Variants in CCK observed in about 807,000 individuals in gnomAD.
CCK encodes cholecystokinin, also known as cholecystokinin triacontatriapeptide.
Under a neutral mutation model 10.1 loss-of-function variants are expected in CCK, and 11 were observed. The ratio of observed to expected loss-of-function variants is 1.09; its 90% confidence interval spans 0.69 to 1.81. The LOEUF (loss-of-function observed/expected upper bound fraction) is 1.81. CCK is among the 40% of genes most tolerant of loss of function. The pLI is 0.00. For missense variants in CCK, 137 were observed against 159.9 expected (o/e 0.86, Z 0.77); for synonymous variants, 83 against 71.9 (o/e 1.15, Z -0.78).
chr3:42,263,767 G>A (rs1711251228), intron 3 of CCK, 135 bp from the exon 4 acceptor site: 5 of 1,397,158 alleles, frequency 3.6e-6, no homozygotes, highest in Non-Finnish European at 4.7e-6. Context: ...GCAAGCACGA[G>A]GGCTCGCCAA....
At chr3:42,260,513 C>T (rs1225617810) in intron 4 of CCK, among the ~76,000 whole-genome samples, 1 of 152,176 alleles carries the variant, frequency 6.6e-6, no homozygotes, top group Non-Finnish European at 1.5e-5. Flanking sequence ...TTCCCCGTTC[C>T]ACGTACAGTT....
Position 42,257,920 on chromosome 3 carries a change from A to G in CCK, c.*178T>C. 1 of 584,102 alleles carries G rather than the reference A, an allele frequency of 1.7e-6. No homozygotes were observed. The highest frequency in any genetic ancestry group is 2.9e-6 in the Non-Finnish European group (1 of 340,584). 36.2% of individuals were successfully genotyped at this position (584,102 alleles called of 1,614,324 possible). A position where few individuals can be genotyped will look rare whatever the true frequency, so the allele number is the denominator to read the frequency against. ...GTCTTCCATTTGCACAATTCTGGTG[A>G]GGTGTGTGGTTGCACTGGACAATCT... is the stretch of plus-strand genomic sequence containing the variant. On this transcript the variant is annotated 3_prime_UTR_variant, in exon 5 of 5. Transcript: ENST00000396169.
intron 4 of CCK, among the ~76,000 whole-genome samples, chr3:42,261,250 T>C (rs924016736): frequency 6.6e-6 from 1 of 152,204 alleles, no homozygotes; most frequent in Non-Finnish European, 1.5e-5. Context: ...TAATATATAC[T>C]ATAGTGGAGC....
At position 42,259,564 on chromosome 3, in the gene CCK, G is replaced by A. The variant is rs192002703; in HGVS notation, c.215-1333C>T. ...GGCACCTCAGTAAGACTCAAAGAAGGGGGGGAGAGAGGTGATAACAAAGGT... is the reference window on the plus strand; with the variant it reads ...GGCACCTCAGTAAGACTCAAAGAAGAGGGGGAGAGAGGTGATAACAAAGGT... On this transcript the variant is annotated intron_variant, in intron 4 of 4. Transcript: ENST00000396169. Among the ~76,000 whole-genome samples, 17 of 152,118 alleles carry A rather than the reference G, an allele frequency of 1.1e-4. No homozygotes were observed. The South Asian group carries it at 1.9e-3, about 17-fold the overall frequency.
At chr3:42,263,111 G>T in intron 4 of CCK, 1 of 474,014 alleles carries the variant, frequency 2.1e-6, no homozygotes, top group Non-Finnish European at 3.9e-6. Flanking sequence ...GGTATTCACT[G>T]TATCTAGGAA....
rs1414989888 is a variant in CCK, at chr3:42,265,461, C to A, written c.-382-24G>T. ...AGCTGTAAAATGCGGATGACACCAT[C>A]TGGTTTTGCTCAGAGGAATCCGGTT... is the stretch of plus-strand genomic sequence containing the variant. On this transcript the variant is annotated intron_variant, in intron 1 of 4. Coordinates refer to ENST00000396169, the MANE Select transcript of CCK (RefSeq NM_000729.6). 2.6e-5 allele frequency: 4 copies of A among 152,264 alleles called. No homozygotes were observed. The East Asian group carries it at 7.7e-4, about 29-fold the overall frequency. 9.4% of individuals were successfully genotyped at this position (152,264 alleles called of 1,614,324 possible). A position where few individuals can be genotyped will look rare whatever the true frequency, so the allele number is the denominator to read the frequency against.
At chr3:42,263,818 C>G in intron 3 of CCK, 186 bp from the exon 4 acceptor site, 2 of 1,013,948 alleles carry the variant, frequency 2.0e-6, no homozygotes, top group South Asian at 4.6e-5. Context: ...CGCCCCCGGG[C>G]GCACCTGGCT....
At chr3:42,258,757 A>G (rs534712252) in intron 4 of CCK, among the ~76,000 whole-genome samples, 1 of 152,176 alleles carries the variant, frequency 6.6e-6, no homozygotes, top group East Asian at 1.9e-4. Context: ...CGTTGGTGGG[A>G]GTGTAAATTA....
chr3:42,258,337 C>T (rs988306373), intron 4 of CCK, 106 bp from the exon 5 acceptor site: 1 of 1,252,458 alleles, frequency 8.0e-7, no homozygotes, highest in African/African-American at 1.5e-5. Flanking sequence ...ATATAACAGA[C>T]ACCACCTTAA....
chr3:42,263,840 A>C, intron 3 of CCK: 1 of 686,526 alleles, frequency 1.5e-6, no homozygotes, highest in Non-Finnish European at 2.2e-6. Context: ...GTCTTTGGGA[A>C]CTCCTCACCC....
intron 4 of CCK, among the ~76,000 whole-genome samples, chr3:42,261,356 G>A (rs1002944239): frequency 6.6e-6 from 1 of 152,124 alleles, no homozygotes; most frequent in African/African-American, 2.4e-5. Flanking sequence ...ATCTATATGT[G>A]TAAGTATTTA....
At chr3:42,258,371 A>G in intron 4 of CCK, 140 bp from the exon 5 acceptor site, 1 of 914,054 alleles carries the variant, frequency 1.1e-6, no homozygotes, top group East Asian at 2.6e-5. Context: ...CTATCAAAGT[A>G]GTGGAACTGA....
At chr3:42,260,212 C>A (rs1711192071) in intron 4 of CCK, among the ~76,000 whole-genome samples, 1 of 152,110 alleles carries the variant, frequency 6.6e-6, no homozygotes, top group African/African-American at 2.4e-5. Context: ...ATATCCTCAG[C>A]CTACGTAGAA....
intron 3 of CCK, among the ~76,000 whole-genome samples, chr3:42,264,257 C>T (rs534231549): frequency 1.3e-5 from 2 of 152,334 alleles, no homozygotes; most frequent in African/African-American, 4.8e-5. Context: ...GCTCAGGCTT[C>T]GAAAGCCCCG....
chr3:42,261,608 C>CTTTT (rs3073696), intron 4 of CCK, among the ~76,000 whole-genome samples: 1 of 145,616 alleles, frequency 6.9e-6, no homozygotes, highest in Non-Finnish European at 1.5e-5. Flanking sequence ...TGGTAATGAG[C>CTTTT]TTTTTTTTTT....
In CCK at chr3:42,265,787, C is replaced by T. The variant is rs1449092319; in HGVS notation, c.-486G>A. The T allele has an allele frequency of 1.3e-5, 2 of 152,312 alleles. No individual in the cohort carries two copies. The highest frequency in any genetic ancestry group is 4.8e-5 in the African/African-American group (2 of 41,450). 9.4% of individuals were successfully genotyped at this position (152,312 alleles called of 1,614,324 possible). ...GCACCGAGGCTGCCGTGCGCCTTTC[C>T]CTGCACGCGGTTACTCTCCCGGCTC... On this transcript the variant is annotated 5_prime_UTR_variant, in exon 1 of 5. Coordinates refer to ENST00000396169, the MANE Select transcript of CCK (RefSeq NM_000729.6).
At chr3:42,264,194 A>T (rs537295124) in intron 3 of CCK, among the ~76,000 whole-genome samples, 5 of 152,234 alleles carry the variant, frequency 3.3e-5, no homozygotes, top group Admixed American at 1.3e-4. Flanking sequence ...AAATGGCAAT[A>T]AGCCACTACG....
rs1394326283 is a variant in CCK at position 42,258,067 on chromosome 3, C to T, written c.*31G>A. Reference sequence around the variant, plus strand: ...CTGCCTCCTCTGGGTTGGGAGGTTGCTTCCCGTTGGGCTGATGGCGGCTGG... The same window carrying T: ...CTGCCTCCTCTGGGTTGGGAGGTTGTTTCCCGTTGGGCTGATGGCGGCTGG... On this transcript the variant is annotated 3_prime_UTR_variant, in exon 5 of 5. Coordinates refer to ENST00000396169, the MANE Select transcript of CCK (RefSeq NM_000729.6). 1.9e-6 allele frequency: 3 copies of T among 1,592,478 alleles called. No homozygotes were observed. The highest frequency in any genetic ancestry group is 2.6e-6 in the Non-Finnish European group (3 of 1,170,940).
At chr3:42,262,989 T>A (rs1577102893) in intron 4 of CCK, 2 of 222,748 alleles carry the variant, frequency 9.0e-6, no homozygotes, top group South Asian at 1.3e-4. Flanking sequence ...ACTGCTTTTT[T>A]AAACTGTTGT....
Sources: allele counts gnomAD v4.1 joint callset (sites outside exome capture counted in the v4.1 genomes callset), GRCh38; gene constraint gnomAD v4.1.1; transcripts MANE v1.5; gene names NCBI Gene and HGNC (gene_info 2026-07-23, HGNC 2026-07-21).